Variants in CEP70 observed in about 807,000 individuals in gnomAD.
CEP70 encodes centrosomal protein 70, also known as centrosomal protein of 70 kDa.
A neutral mutation model predicts 90.9 loss-of-function variants in CEP70; 70 were observed. That is an observed-to-expected ratio of 0.77 (90% CI 0.64 to 0.94). The LOEUF (loss-of-function observed/expected upper bound fraction) is 0.94, where lower values mean the gene tolerates loss of function less well. Ranked by LOEUF, CEP70 falls within the 40% of genes least tolerant of loss-of-function variation. The pLI is 0.00. For synonymous variants in CEP70, 220 were observed against 228.3 expected (o/e 0.96, Z 0.33); for missense variants, 648 against 669.0 (o/e 0.97, Z 0.35).
intron 8 of CEP70, 48 bp from the exon 9 acceptor site, chr3:138,529,510 G>A: frequency 1.7e-6 from 2 of 1,152,926 alleles, no homozygotes; most frequent in Non-Finnish European, 2.5e-6. Flanking sequence ...TATCTTCAAA[G>A]AAAAAAACTA....
Position 138,591,916 on chromosome 3 carries a change from T to G in CEP70, c.-68A>C. The G allele has an allele frequency of 7.2e-7, 1 of 1,395,118 alleles. No homozygotes were observed. Among genetic ancestry groups the G allele is most frequent in the Non-Finnish European group, 9.6e-7 (1 of 1,045,080 alleles). The allele number at this position is 1,395,118 out of a possible 1,614,324, so 86.4% of individuals were successfully genotyped here. A position where few individuals can be genotyped will look rare whatever the true frequency, so the allele number is the denominator to read the frequency against. ...GTCATTCAGGTTGATCTCAATGAAA[T>G]GATCACCCAACGAGTCTCATGTCTG... On this transcript the variant is annotated 5_prime_UTR_variant, in exon 2 of 18. Transcript: ENST00000264982.
intron 6 of CEP70, among the ~76,000 whole-genome samples, chr3:138,554,026 C>A (rs554736894): frequency 6.6e-6 from 1 of 151,894 alleles, no homozygotes; most frequent in Admixed American, 6.6e-5. Context: ...GTGAATGAAA[C>A]CCTGTCTCTA....
intron 12 of CEP70, among the ~76,000 whole-genome samples, chr3:138,507,027 G>A (rs1039413987): frequency 2.6e-5 from 4 of 152,044 alleles, no homozygotes; most frequent in Admixed American, 6.6e-5. Context: ...ACAGGCATGA[G>A]CCACCATACC....
chr3:138,530,728 C>T, intron 8 of CEP70: 1 of 985,404 alleles, frequency 1.0e-6, no homozygotes, highest in Non-Finnish European at 1.2e-6. Context: ...CTTTCATCTT[C>T]TTTACTAATG....
intron 2 of CEP70, among the ~76,000 whole-genome samples, chr3:138,590,405 A>G (rs943534035): frequency 6.6e-6 from 1 of 152,162 alleles, no homozygotes; most frequent in African/African-American, 2.4e-5. Context: ...CAGGTATCCT[A>G]GCTCTGTCTA....
chr3:138,591,261 G>T (rs1317633567), intron 2 of CEP70, among the ~76,000 whole-genome samples: 2 of 152,016 alleles, frequency 1.3e-5, no homozygotes, highest in Admixed American at 6.5e-5. Context: ...TATAAAATTA[G>T]CTTCAGGCTG....
chr3:138,516,380 T>A (rs2036024934), intron 11 of CEP70, among the ~76,000 whole-genome samples: 1 of 152,026 alleles, frequency 6.6e-6, no homozygotes, highest in African/African-American at 2.4e-5. Flanking sequence ...CTATTATCTT[T>A]TTTTTGGGGG....
At chr3:138,496,580 C>G in intron 17 of CEP70, 9 of 985,392 alleles carry the variant, frequency 9.1e-6, no homozygotes, top group Non-Finnish European at 1.1e-5. Context: ...ATGGGAATTT[C>G]CTCAGTCAAT....
chr3:138,559,283 A>G (rs2040229050), intron 6 of CEP70, among the ~76,000 whole-genome samples: 2 of 152,240 alleles, frequency 1.3e-5, no homozygotes, highest in Admixed American at 6.5e-5. Flanking sequence ...CAAATTGAAA[A>G]GAGAAAATGA....
At position 138,583,876 on chromosome 3, in the gene CEP70, G is replaced by A. The variant is rs554671076; in HGVS notation, c.-6+7978C>T. On this transcript the variant is annotated intron_variant, in intron 2 of 17. Transcript: ENST00000264982. ...AAAAACTTCAAATAAACAACCTAATGAACTAGAACTAGAAAAGCAGAGCAA... is the reference window on the plus strand; with the variant it reads ...AAAAACTTCAAATAAACAACCTAATAAACTAGAACTAGAAAAGCAGAGCAA... Among the ~76,000 whole-genome samples the A allele has an allele frequency of 3.9e-5, 6 of 151,906 alleles. No individual in the cohort carries two copies. The South Asian group carries it at 1.2e-3, about 31-fold the overall frequency.
At chr3:138,563,284 A>C (rs908205907) in intron 6 of CEP70, among the ~76,000 whole-genome samples, 1 of 152,194 alleles carries the variant, frequency 6.6e-6, no homozygotes, top group Non-Finnish European at 1.5e-5. Context: ...AATATTAGAC[A>C]GATCAATGAG....
At chr3:138,525,595 CAATTT>C in intron 10 of CEP70, 31 bp from the exon 11 acceptor site, 1 of 1,030,738 alleles carries the variant, frequency 9.7e-7, no homozygotes, top group Non-Finnish European at 1.3e-6. Flanking sequence ...TAAATTAATT[CAATTT>C]ACTGAATAAA....
intron 12 of CEP70, among the ~76,000 whole-genome samples, chr3:138,506,247 G>A (rs2034976350): frequency 6.6e-6 from 1 of 152,178 alleles, no homozygotes. Flanking sequence ...ACTTTGGGAG[G>A]TTGAGGCAGG....
At chr3:138,542,045 G>T (rs1415647314) in intron 6 of CEP70, among the ~76,000 whole-genome samples, 1 of 152,164 alleles carries the variant, frequency 6.6e-6, no homozygotes, top group Admixed American at 6.5e-5. Flanking sequence ...CACTCGGCCT[G>T]GCAGGCTGCA....
intron 2 of CEP70, among the ~76,000 whole-genome samples, chr3:138,586,323 A>AT (rs2042104033): frequency 1.3e-5 from 2 of 152,222 alleles, no homozygotes; most frequent in African/African-American, 4.8e-5. Flanking sequence ...ACACTGGCCA[A>AT]TTTTTTATAT....
intron 11 of CEP70, among the ~76,000 whole-genome samples, chr3:138,523,881 G>T (rs1174697976): frequency 2.0e-5 from 3 of 151,898 alleles, no homozygotes; most frequent in Admixed American, 2.0e-4. Context: ...CTACTTTAAA[G>T]TTCATATGGA....
intron 10 of CEP70, among the ~76,000 whole-genome samples, chr3:138,528,045 G>GTTT (rs541606837): frequency 3.0e-5 from 4 of 134,996 alleles, no homozygotes; most frequent in Non-Finnish European, 3.2e-5. Context: ...TCTATTTGAA[G>GTTT]TTTTTTTTTT....
chr3:138,532,856 G>A (rs2037945152), intron 7 of CEP70, among the ~76,000 whole-genome samples: 2 of 152,142 alleles, frequency 1.3e-5, no homozygotes, highest in Admixed American at 6.5e-5. Flanking sequence ...ATCTCCCACA[G>A]AAATAAGTCA....
intron 16 of CEP70, 32 bp downstream of exon 16, chr3:138,500,078 G>A (rs1319524601): frequency 1.4e-6 from 2 of 1,440,372 alleles, no homozygotes; most frequent in Non-Finnish European, 2.0e-6. Context: ...AGCCATTCTG[G>A]ATGATACTTT....
Sources: allele counts gnomAD v4.1 joint callset (sites outside exome capture counted in the v4.1 genomes callset), GRCh38; gene constraint gnomAD v4.1.1; transcripts MANE v1.5; gene names NCBI Gene and HGNC (gene_info 2026-07-23, HGNC 2026-07-21).